TNRC6B: variants seen among roughly 807,000 people sequenced by gnomAD.
The protein encoded by TNRC6B is trinucleotide repeat containing adaptor 6B, also known as trinucleotide repeat-containing gene 6B protein.
In TNRC6B, 52 loss-of-function variants were observed where a neutral mutation model predicts 203.6. That is an observed-to-expected ratio of 0.26 (90% confidence interval 0.20 to 0.32). The LOEUF is 0.32. TNRC6B is among the 10% of genes least tolerant of loss of function. The pLI, the probability that TNRC6B is intolerant of heterozygous loss-of-function variation, is 1.00. For missense variants in TNRC6B, 1,923 were observed against 2,286.2 expected (o/e 0.84, Z 3.24); for synonymous variants, 838 against 845.7 (o/e 0.99, Z 0.16).
rs540205632 is a variant in TNRC6B, at chr22:40,163,966, G to A, written c.113+7784G>A. On this transcript the variant is annotated intron_variant, in intron 4 of 23. Transcript: ENST00000301923. ...GTTGTCTTGGTCACTGCCTAGAGAG[G>A]TGCCTGGCACAAAAAGCATCTATAA... Among the ~76,000 whole-genome samples the A allele has an allele frequency of 1.0e-3, 156 of 152,108 alleles. 2 individuals are homozygous for A. The highest frequency in any genetic ancestry group is 6.8e-3 in the Middle Eastern group (2 of 294).
chr22:40,099,023 G>A (rs1188961234), intron 1 of TNRC6B, among the ~76,000 whole-genome samples: 1 of 152,112 alleles, frequency 6.6e-6, no homozygotes, highest in Admixed American at 6.5e-5. Context: ...AGGCCGAGGC[G>A]GATGGATCAC....
At chr22:40,183,189 G>A (rs946417776) in intron 1 of TNRC6B, among the ~76,000 whole-genome samples, 1 of 152,156 alleles carries the variant, frequency 6.6e-6, no homozygotes, top group Admixed American at 6.5e-5. Flanking sequence ...ATATTGTTGC[G>A]ACGCATAAAG....
chr22:40,138,801 T>C (rs2068621991), intron 3 of TNRC6B, among the ~76,000 whole-genome samples: 1 of 151,924 alleles, frequency 6.6e-6, no homozygotes, highest in African/African-American at 2.4e-5. Context: ...TGGATAAGAA[T>C]TCACTCTCTC....
chr22:40,280,557 G>A (rs1880220922), intron 10 of TNRC6B, among the ~76,000 whole-genome samples: 1 of 152,184 alleles, frequency 6.6e-6, no homozygotes, highest in South Asian at 2.1e-4. Context: ...CTAGCGATCT[G>A]TGTTTAGTTA....
intron 21 of TNRC6B, among the ~76,000 whole-genome samples, chr22:40,320,725 T>C (rs1329809010): frequency 6.6e-6 from 1 of 152,176 alleles, no homozygotes; most frequent in Non-Finnish European, 1.5e-5. Context: ...AGTGTTAGAA[T>C]AGGCTATGAA....
chr22:40,235,362 G>T (rs1221384815), intron 1 of TNRC6B, among the ~76,000 whole-genome samples: 1 of 152,166 alleles, frequency 6.6e-6, no homozygotes, highest in Non-Finnish European at 1.5e-5. Flanking sequence ...GGAACTGGGG[G>T]TCCCGTGGGA....
intron 1 of TNRC6B, among the ~76,000 whole-genome samples, chr22:40,057,138 C>G (rs1406283314): frequency 6.6e-6 from 1 of 152,168 alleles, no homozygotes; most frequent in Non-Finnish European, 1.5e-5. Context: ...AAAGATGATA[C>G]TGATTATACC....
chr22:40,135,176 G>A (rs76025231), intron 3 of TNRC6B, among the ~76,000 whole-genome samples: 118 of 152,298 alleles, frequency 7.7e-4, no homozygotes, highest in African/African-American at 2.7e-3. Context: ...CTGTGCAGGA[G>A]CTGCAGACAC....
chr22:40,094,180 G>T lies in TNRC6B; in HGVS notation c.-120-22875G>T, dbSNP rs535334475. The stretch of plus-strand genomic sequence containing the variant: ...GCTTTGATAAGCAGATGAATTATAT[G>T]TAAAGCACTATGAGTCCTACACAGT... On this transcript the variant is annotated intron_variant, in intron 1 of 23. Coordinates refer to the TNRC6B transcript ENST00000301923. 5.3e-5 allele frequency among the ~76,000 whole-genome samples: 8 copies of T among 152,220 alleles called. No individual in the cohort carries two copies. The South Asian group carries it at 1.7e-3, about 32-fold the overall frequency.
intron 1 of TNRC6B, among the ~76,000 whole-genome samples, chr22:40,183,402 A>T (rs191414983): frequency 6.6e-6 from 1 of 152,182 alleles, no homozygotes; most frequent in Non-Finnish European, 1.5e-5. Context: ...GGACAGGAGC[A>T]GCACGGAGCC....
intron 1 of TNRC6B, among the ~76,000 whole-genome samples, chr22:40,236,207 A>G (rs2069945348): frequency 6.6e-6 from 1 of 152,206 alleles, no homozygotes; most frequent in Non-Finnish European, 1.5e-5. Flanking sequence ...ACCATCAAAT[A>G]CAGGACAGTT....
chr22:40,256,497 C>T (rs1194223665), intron 3 of TNRC6B, among the ~76,000 whole-genome samples: 4 of 152,072 alleles, frequency 2.6e-5, no homozygotes, highest in African/African-American at 9.7e-5. Flanking sequence ...ATATTTTCTA[C>T]GTTTTTTAAT....
chr22:40,110,481 G>A (rs1258719233), intron 1 of TNRC6B, among the ~76,000 whole-genome samples: 1 of 152,186 alleles, frequency 6.6e-6, no homozygotes, highest in East Asian at 1.9e-4. Flanking sequence ...GCCTCTACCT[G>A]TAAGTGATTT....
chr22:40,315,050 C>T (rs2071238532), intron 19 of TNRC6B, among the ~76,000 whole-genome samples: 1 of 152,120 alleles, frequency 6.6e-6, no homozygotes, highest in Non-Finnish European at 1.5e-5. Flanking sequence ...CTTATTAAAT[C>T]TTTAATTCAT....
At chr22:40,114,573 T>C (rs558855601) in intron 1 of TNRC6B, among the ~76,000 whole-genome samples, 60 of 152,308 alleles carry the variant, frequency 3.9e-4, no homozygotes, top group African/African-American at 1.3e-3. Context: ...TCCTCCTGCC[T>C]CGGCCTCTCA....
At chr22:40,251,522 C>T (rs2070193549) in intron 3 of TNRC6B, among the ~76,000 whole-genome samples, 1 of 152,102 alleles carries the variant, frequency 6.6e-6, no homozygotes, top group African/African-American at 2.4e-5. Flanking sequence ...AGTTTGAGAC[C>T]AACCTGGCCA....
intron 1 of TNRC6B, among the ~76,000 whole-genome samples, chr22:40,083,723 TAGAA>T (rs2068078979): frequency 6.6e-6 from 1 of 152,078 alleles, no homozygotes; most frequent in African/African-American, 2.4e-5. Flanking sequence ...TAAGTATTCT[TAGAA>T]AGGAGGAGGG....
chr22:40,079,906 C>G (rs2068051273), intron 1 of TNRC6B, among the ~76,000 whole-genome samples: 1 of 152,174 alleles, frequency 6.6e-6, no homozygotes, highest in Non-Finnish European at 1.5e-5. Flanking sequence ...TGCCATTCTC[C>G]TGCCTCAGCC....
At chr22:40,213,665 C>T (rs986454162) in intron 1 of TNRC6B, among the ~76,000 whole-genome samples, 6 of 152,072 alleles carry the variant, frequency 3.9e-5, no homozygotes, top group Non-Finnish European at 7.4e-5. Flanking sequence ...GCTAGCATCC[C>T]GTGGTGCAGT....
Sources: gnomAD v4.1 joint callset for allele counts (sites outside exome capture counted in the v4.1 genomes callset) on GRCh38, gnomAD v4.1.1 for gene constraint, MANE v1.5 for transcripts, NCBI Gene and HGNC (gene_info 2026-07-23, HGNC 2026-07-21) for gene names.